Variants in CEACAM3 observed in about 807,000 individuals in gnomAD.
CEACAM3 encodes CEA cell adhesion molecule 3, also known as cell adhesion molecule CEACAM3.
A neutral mutation model predicts 30.1 loss-of-function variants in CEACAM3; 32 were observed. That is an observed-to-expected ratio of 1.06 (90% CI 0.80 to 1.43). The LOEUF (loss-of-function observed/expected upper bound fraction) is 1.43, where lower values mean the gene tolerates loss of function less well. Ranked by LOEUF, CEACAM3 falls within the 40% of genes most tolerant of loss-of-function variation. CEACAM3 has a pLI of 0.00. For synonymous variants in CEACAM3, 134 were observed against 127.2 expected, an observed-to-expected ratio of 1.05 and a Z score of -0.36; for missense variants, 290 against 316.3, an observed-to-expected ratio of 0.92 and a Z score of 0.63.
At chr19:41,808,388 T>C (rs2073220457) in intron 2 of CEACAM3, among the ~76,000 whole-genome samples, 1 of 152,204 alleles carries the variant, frequency 6.6e-6, no homozygotes, top group Non-Finnish European at 1.5e-5. Flanking sequence ...GTAGGTAGGT[T>C]GGTGCCCACT....
intron 2 of CEACAM3, chr19:41,807,293 C>T (rs2073210975): frequency 1.2e-6 from 2 of 1,608,512 alleles, no homozygotes; most frequent in Non-Finnish European, 1.7e-6. Flanking sequence ...CCTCACTCTA[C>T]TCAGTGTCAC....
At chr19:41,807,972 G>A (rs1234152045) in intron 2 of CEACAM3, among the ~76,000 whole-genome samples, 5 of 152,114 alleles carry the variant, frequency 3.3e-5, no homozygotes, top group African/African-American at 2.4e-5. Flanking sequence ...TGCTTGCCTC[G>A]CCCATAACTC....
intron 2 of CEACAM3, among the ~76,000 whole-genome samples, chr19:41,801,130 G>A (rs1329470417): frequency 7.2e-5 from 11 of 152,050 alleles, no homozygotes; most frequent in African/African-American, 2.2e-4. Context: ...TTTCACACCA[G>A]TGAGGATGCC....
Position 41,810,426 on chromosome 19 carries a change from A to G in CEACAM3, c.627+72A>G. On this transcript the variant is annotated intron_variant, in intron 5 of 6. Transcript: ENST00000357396. ...GCAGGCTCTGGGCAGAGGGACCATCAGCCCCCCAGCACAGAACAGACCCAC... is the reference window on the plus strand; with the variant it reads ...GCAGGCTCTGGGCAGAGGGACCATCGGCCCCCCAGCACAGAACAGACCCAC... 4 of 1,477,086 alleles carry G rather than the reference A, an allele frequency of 2.7e-6. 1 individual carries two copies. In the South Asian group the frequency reaches 4.8e-5, roughly 18 times the overall value. The allele number at this position is 1,477,086 out of a possible 1,614,324, so 91.5% of individuals were successfully genotyped here.
At chr19:41,801,327 C>A (rs2073144955) in intron 2 of CEACAM3, among the ~76,000 whole-genome samples, 1 of 152,150 alleles carries the variant, frequency 6.6e-6, no homozygotes, top group South Asian at 2.1e-4. Flanking sequence ...GTCCCCAGGC[C>A]ACCAGGAGAA....
At chr19:41,805,351 G>C (rs565679357) in intron 2 of CEACAM3, among the ~76,000 whole-genome samples, 1 of 144,806 alleles carries the variant, frequency 6.9e-6, no homozygotes, top group South Asian at 2.2e-4. Context: ...GAGTGCAATG[G>C]TGTGATCTTG....
chr19:41,811,443 C>A lies in CEACAM3; in HGVS notation c.*206C>A, dbSNP rs1201463029. On this transcript the variant is annotated 3_prime_UTR_variant, in exon 7 of 7. Transcript: ENST00000357396. ...GCCCTAGGCCCTGGGTGGGTCAGGA[C>A]AAAGGCCTCTCATCACCGCAGAAAG... 20 of 566,620 alleles carry A rather than the reference C, an allele frequency of 3.5e-5. 2 individuals carry two copies. In the South Asian group the frequency reaches 4.4e-4, roughly 13 times the overall value. The allele number at this position is 566,620 out of a possible 1,614,324, so 35.1% of individuals were successfully genotyped here.
chr19:41,800,778 C>T (rs2073139604), intron 2 of CEACAM3, among the ~76,000 whole-genome samples: 1 of 152,152 alleles, frequency 6.6e-6, no homozygotes, highest in South Asian at 2.1e-4. Flanking sequence ...GGAGATGACT[C>T]ACACTCTTTA....
In CEACAM3 at chr19:41,810,012, C is replaced by T. The variant is rs781898902; in HGVS notation, c.590C>T (p.Ala197Val). Reference sequence around the variant, plus strand: ...AAGGAGCAGCAGCCCCAAGCCCTTGCCCCTGGTGAGTGTCCTCTCAGCCCA... The same window carrying T: ...AAGGAGCAGCAGCCCCAAGCCCTTGTCCCTGGTGAGTGTCCTCTCAGCCCA... ...DLKEQQPQAL[A>V]PGRGPSHSSA... Residue 197 changes from alanine to valine, a missense_variant, in exon 4 of 7, where the codon GCC (alanine) becomes GTC (valine). Transcript: ENST00000357396. The T allele has an allele frequency of 1.9e-6, 3 of 1,613,870 alleles. No homozygotes were observed. The highest frequency in any genetic ancestry group is 2.5e-6 in the Non-Finnish European group (3 of 1,179,860).
At chr19:41,799,006 A>C (rs566775361) in intron 2 of CEACAM3, among the ~76,000 whole-genome samples, 117 of 152,320 alleles carry the variant, frequency 7.7e-4, no homozygotes, top group African/African-American at 2.5e-3. Flanking sequence ...AGACATCTGC[A>C]GGCCTGAGAC....
intron 2 of CEACAM3, chr19:41,807,229 T>C (rs782093538): frequency 1.9e-6 from 3 of 1,609,420 alleles, no homozygotes; most frequent in African/African-American, 1.3e-5. Flanking sequence ...AGTGGGTAAA[T>C]GGTCAGAGCC....
At chr19:41,803,472 T>TG (rs1600518176) in intron 2 of CEACAM3, among the ~76,000 whole-genome samples, 6 of 44,848 alleles carry the variant, frequency 1.3e-4, no homozygotes, top group Non-Finnish European at 3.8e-4. Context: ...TTTTGTTTGT[T>TG]TTTTTTTTTT....
At chr19:41,797,559 C>T (rs933156479) in intron 1 of CEACAM3, 30 bp from the exon 2 acceptor site, 2 of 1,596,908 alleles carry the variant, frequency 1.3e-6, no homozygotes, top group Non-Finnish European at 1.7e-6. Context: ...ACATGGGTCC[C>T]AATATTGACT....
At chr19:41,798,152 G>A (rs749096369) in intron 2 of CEACAM3, 134 of 880,364 alleles carry the variant, frequency 1.5e-4, no homozygotes, top group Non-Finnish European at 2.0e-4. Context: ...GCAGACACTC[G>A]CTGCAGAGGA....
intron 2 of CEACAM3, among the ~76,000 whole-genome samples, chr19:41,799,192 G>A (rs2073127497): frequency 1.3e-5 from 2 of 152,190 alleles, no homozygotes; most frequent in African/African-American, 4.8e-5. Flanking sequence ...GGTGAGGCCT[G>A]GTGGGAGGCG....
chr19:41,808,981 C>G, intron 3 of CEACAM3, 51 bp downstream of exon 3: 1 of 1,342,882 alleles, frequency 7.4e-7, no homozygotes, highest in Non-Finnish European at 1.0e-6. Context: ...TGACTCCAGG[C>G]CAAAAGAAAG....
At chr19:41,803,709 G>GGTCAGAGCCT (rs2073174688) in intron 2 of CEACAM3, among the ~76,000 whole-genome samples, 1 of 108,812 alleles carries the variant, frequency 9.2e-6, no homozygotes, top group Non-Finnish European at 2.2e-5. Context: ...CTCATGATCT[G>GGTCAGAGCCT]CCCGCCTTGG....
chr19:41,809,049 T>G (rs1555827241), intron 3 of CEACAM3, 119 bp downstream of exon 3: 1 of 708,522 alleles, frequency 1.4e-6, no homozygotes, highest in African/African-American at 1.8e-5. Flanking sequence ...TCCCCAGGGA[T>G]CCTTCCCTCT....
Position 41,796,608 on chromosome 19 carries a change from G to C in CEACAM3, c.-70G>C. ...GGACAGCAGAGCCTAAGTCACAGTA[G>C]CCCTGACTACAGCATTCCTGGAGCC... On this transcript the variant is annotated 5_prime_UTR_variant, in exon 1 of 7. Coordinates refer to ENST00000357396, the MANE Select transcript of CEACAM3 (RefSeq NM_001815.5). 1 of 1,565,320 alleles carries C rather than the reference G, an allele frequency of 6.4e-7. No homozygotes were observed. The highest frequency in any genetic ancestry group is 8.8e-7 in the Non-Finnish European group (1 of 1,136,324).
Sources: allele counts gnomAD v4.1 joint callset (sites outside exome capture counted in the v4.1 genomes callset), GRCh38; gene constraint gnomAD v4.1.1; transcripts MANE v1.5; gene names NCBI Gene and HGNC (gene_info 2026-07-23, HGNC 2026-07-21).